LEKR1: variants seen among roughly 807,000 people sequenced by gnomAD.
LEKR1 encodes leucine, glutamate and lysine rich 1.
In LEKR1, 59 loss-of-function variants were observed where a neutral mutation model predicts 72.4. The observed-to-expected ratio is 0.82, with a 90% confidence interval of 0.66 to 1.01. The LOEUF is 1.01. LEKR1 is among the 50% of genes least tolerant of loss of function. The pLI, the probability that LEKR1 is intolerant of heterozygous loss-of-function variation, is 0.00. For synonymous variants in LEKR1, 257 were observed against 263.2 expected (o/e 0.98, Z 0.23); for missense variants, 728 against 759.2 (o/e 0.96, Z 0.48).
intron 7 of LEKR1, among the ~76,000 whole-genome samples, chr3:156,990,406 T>A (rs1333498826): frequency 2.0e-5 from 3 of 152,204 alleles, no homozygotes; most frequent in Non-Finnish European, 4.4e-5. Context: ...TAATAAGAAG[T>A]CTAGAAGAGA....
intron 5 of LEKR1, among the ~76,000 whole-genome samples, chr3:156,937,679 A>G (rs1725840086): frequency 6.6e-6 from 1 of 152,196 alleles, no homozygotes; most frequent in Non-Finnish European, 1.5e-5. Flanking sequence ...TTTATCCCAG[A>G]TAAATGAAAA....
At chr3:157,019,094 ATAATT>A (rs1733608640) in intron 10 of LEKR1, among the ~76,000 whole-genome samples, 1 of 152,214 alleles carries the variant, frequency 6.6e-6, no homozygotes, top group Non-Finnish European at 1.5e-5. Flanking sequence ...AAATAGTACA[ATAATT>A]TATTTTAGGA....
chr3:157,045,734 G>A lies in LEKR1; in HGVS notation c.2063G>A (p.Arg688Lys). The A allele has an allele frequency of 6.2e-7, 1 of 1,608,496 alleles. No individual in the cohort carries two copies. Among genetic ancestry groups the A allele is most frequent in the Non-Finnish European group, 8.5e-7 (1 of 1,179,932 alleles). Residue 688 changes from arginine to lysine, a missense_variant, in exon 13 of 13, where the codon AGG becomes AAG. Coordinates refer to ENST00000356539, the MANE Select transcript of LEKR1 (RefSeq NM_001004316.3). ...RQRLAAILRRRRSQQ is the reference protein window; with the variant it reads ...RQRLAAILRRKRSQQ ...AGACTGGCTGCCATTCTTAGGAGAA[G>A]GCGGAGTCAGCAATGATCCAAAATG...
At chr3:156,935,155 T>C (rs1725581127) in intron 5 of LEKR1, among the ~76,000 whole-genome samples, 1 of 152,194 alleles carries the variant, frequency 6.6e-6, no homozygotes, top group South Asian at 2.1e-4. Flanking sequence ...CCCTTGACTT[T>C]TATATTTACC....
intron 1 of LEKR1, among the ~76,000 whole-genome samples, chr3:156,828,906 A>C (rs1285357939): frequency 1.3e-5 from 2 of 152,230 alleles, no homozygotes; most frequent in African/African-American, 2.4e-5. Flanking sequence ...CTATATTTTC[A>C]TACTTTTTCT....
At chr3:157,045,171 G>C (rs1385431439) in intron 12 of LEKR1, among the ~76,000 whole-genome samples, 169 bp from the exon 13 acceptor site, 1 of 152,204 alleles carries the variant, frequency 6.6e-6, no homozygotes, top group Non-Finnish European at 1.5e-5. Flanking sequence ...CACCATCACA[G>C]ATTATTTCTG....
chr3:156,928,290 A>C (rs925505079), intron 5 of LEKR1, among the ~76,000 whole-genome samples: 1 of 151,952 alleles, frequency 6.6e-6, no homozygotes, highest in African/African-American at 2.4e-5. Context: ...GTAAACTATA[A>C]ATTTTGGGTA....
At chr3:156,907,022 A>AT (rs1278761458) in intron 3 of LEKR1, among the ~76,000 whole-genome samples, 2 of 152,064 alleles carry the variant, frequency 1.3e-5, no homozygotes, top group Non-Finnish European at 2.9e-5. Flanking sequence ...CTATTTCTAC[A>AT]TTTTTTCCAT....
chr3:157,024,052 A>T (rs1734031063), intron 10 of LEKR1, among the ~76,000 whole-genome samples: 1 of 152,156 alleles, frequency 6.6e-6, no homozygotes, highest in Admixed American at 6.6e-5. Context: ...GATGACTGGG[A>T]GCTGTGGCCC....
chr3:156,844,696 C>T (rs1461853575), intron 2 of LEKR1, among the ~76,000 whole-genome samples: 1 of 151,862 alleles, frequency 6.6e-6, no homozygotes, highest in Non-Finnish European at 1.5e-5. Context: ...TAGTTTATTC[C>T]TTTTTATTGC....
At chr3:156,875,409 C>T (rs6441101) in intron 3 of LEKR1, among the ~76,000 whole-genome samples, 128,361 of 152,160 alleles carry the variant, frequency 0.84, 54,306 homozygotes, top group African/African-American at 0.91. Flanking sequence ...GAATTTCTTG[C>T]AGATTCTGGA....
intron 12 of LEKR1, among the ~76,000 whole-genome samples, chr3:157,038,259 G>A (rs576030252): frequency 6.6e-6 from 1 of 152,272 alleles, no homozygotes; most frequent in South Asian, 2.1e-4. Context: ...AGCATAAAAA[G>A]GAGTCAAGGA....
At chr3:156,941,575 A>G (rs557211967) in intron 5 of LEKR1, among the ~76,000 whole-genome samples, 4 of 152,020 alleles carry the variant, frequency 2.6e-5, no homozygotes, top group Non-Finnish European at 5.9e-5. Context: ...ACCACTTTTG[A>G]CATCTCGTCA....
At chr3:156,888,486 T>G in intron 3 of LEKR1, 1 of 673,730 alleles carries the variant, frequency 1.5e-6, no homozygotes, top group South Asian at 1.6e-5. Flanking sequence ...GGATTTATTA[T>G]GATACTAAGC....
At chr3:156,881,351 C>G (rs1333515029) in intron 3 of LEKR1, among the ~76,000 whole-genome samples, 2 of 151,996 alleles carry the variant, frequency 1.3e-5, no homozygotes, top group African/African-American at 4.8e-5. Context: ...TCTTATACAC[C>G]AATAACAGAC....
chr3:156,899,318 A>G (rs993238891), intron 3 of LEKR1, among the ~76,000 whole-genome samples: 11 of 136,416 alleles, frequency 8.1e-5, no homozygotes, highest in Non-Finnish European at 3.1e-5. Context: ...ACACACATGT[A>G]TATATACATA....
At chr3:156,943,562 G>A (rs997885815) in intron 6 of LEKR1, among the ~76,000 whole-genome samples, 3 of 151,862 alleles carry the variant, frequency 2.0e-5, no homozygotes, top group Admixed American at 6.6e-5. Context: ...AAGCAAAACC[G>A]GTTGGACTTC....
rs572106923 is a variant in LEKR1 at position 156,913,422 on chromosome 3, C to G, written c.264-7153C>G. Among the ~76,000 whole-genome samples, 34 of 152,132 alleles carry G rather than the reference C, an allele frequency of 2.2e-4. No individual in the cohort carries two copies. In the South Asian group the frequency reaches 6.8e-3, roughly 31 times the overall value. Reference sequence around the variant, plus strand: ...ATGGGATTGTGTTGCTAATTTGGCTCTCCACTAGAATATTATTACTGTATA... The same window carrying G: ...ATGGGATTGTGTTGCTAATTTGGCTGTCCACTAGAATATTATTACTGTATA... On this transcript the variant is annotated intron_variant, in intron 3 of 12. Coordinates refer to ENST00000356539, the MANE Select transcript of LEKR1 (RefSeq NM_001004316.3).
intron 3 of LEKR1, among the ~76,000 whole-genome samples, chr3:156,863,245 G>A (rs7616633): frequency 0.68 from 103,582 of 151,908 alleles, 35,568 homozygotes; most frequent in East Asian, 0.86. Context: ...TCTACTATCT[G>A]TGTATCTGAA....
Sources: allele counts gnomAD v4.1 joint callset (sites outside exome capture counted in the v4.1 genomes callset), GRCh38; gene constraint gnomAD v4.1.1; transcripts MANE v1.5; gene names NCBI Gene and HGNC (gene_info 2026-07-23, HGNC 2026-07-21).